Variants in BEND6 observed in about 807,000 individuals in gnomAD.
The protein encoded by BEND6 is BEN domain containing 6.
Under a neutral mutation model 31.8 loss-of-function variants are expected in BEND6, and 24 were observed. The ratio of observed to expected loss-of-function variants is 0.75; its 90% CI spans 0.55 to 1.06. BEND6 has a LOEUF of 1.06. Among genes scored for constraint, BEND6 ranks in the 50% least tolerant of loss-of-function variants. The pLI is 0.00. For missense variants in BEND6, 294 were observed against 327.4 expected (o/e 0.90, Z 0.79); for synonymous variants, 109 against 114.6 (o/e 0.95, Z 0.31).
At chr6:56,988,151 G>A (rs1826352355) in intron 2 of BEND6, among the ~76,000 whole-genome samples, 1 of 151,628 alleles carries the variant, frequency 6.6e-6, no homozygotes, top group African/African-American at 2.4e-5. Flanking sequence ...CAGGTAGCTG[G>A]GACTACAGGT....
chr6:57,008,158 T>C, intron 3 of BEND6: 1 of 702,932 alleles, frequency 1.4e-6, no homozygotes, highest in Non-Finnish European at 2.6e-6. Flanking sequence ...GGAGTGATTA[T>C]TTCTATCTTA....
chr6:57,017,327 G>T lies in BEND6; in HGVS notation c.640G>T (p.Ala214Ser), dbSNP rs866942036. The T allele has an allele frequency of 6.9e-7, 1 of 1,453,328 alleles. No individual in the cohort carries two copies. The highest frequency in any genetic ancestry group is 2.7e-5 in the East Asian group (1 of 37,384). The allele number at this position is 1,453,328 out of a possible 1,614,324, so 90.0% of individuals were successfully genotyped here. A position where few individuals can be genotyped will look rare whatever the true frequency, so the allele number is the denominator to read the frequency against. Residue 214 changes from alanine to serine, a missense_variant, in exon 5 of 7, where the codon GCA (alanine) becomes TCA (serine). Physicochemically the swap from Ala to Ser is moderately conservative, Grantham distance 99. Coordinates refer to ENST00000370746, the MANE Select transcript of BEND6 (RefSeq NM_152731.3). ...EYMATHSLTG[A>S]KSSTSRDKAV... is the part of the protein sequence containing the mutation. ...CATGGCCACTCACAGCCTGACAGGG[G>T]CAAAATCCTCTACTTCAAGGGACAA...
At chr6:57,006,267 A>G (rs1479582189) in intron 3 of BEND6, among the ~76,000 whole-genome samples, 2 of 152,242 alleles carry the variant, frequency 1.3e-5, no homozygotes, top group Non-Finnish European at 2.9e-5. Flanking sequence ...AATGTTTGCT[A>G]TCACAAGTCA....
At chr6:56,999,845 G>A (rs1429195783) in intron 3 of BEND6, among the ~76,000 whole-genome samples, 1 of 152,206 alleles carries the variant, frequency 6.6e-6, no homozygotes, top group Non-Finnish European at 1.5e-5. Context: ...TATAAAACCT[G>A]CCAACAGAAG....
chr6:56,962,158 CACAGCAAG>C (rs1338067428), intron 1 of BEND6, among the ~76,000 whole-genome samples: 2 of 152,200 alleles, frequency 1.3e-5, no homozygotes, highest in Non-Finnish European at 2.9e-5. Flanking sequence ...CATGTGATGA[CACAGCAAG>C]ACAGCAAGAC....
At chr6:56,961,781 C>A (rs1476766233) in intron 1 of BEND6, among the ~76,000 whole-genome samples, 1 of 152,194 alleles carries the variant, frequency 6.6e-6, no homozygotes, top group East Asian at 1.9e-4. Context: ...CTTCCCCAAG[C>A]CCACATTCAA....
chr6:57,014,588 T>C, intron 3 of BEND6: 1 of 1,221,484 alleles, frequency 8.2e-7, no homozygotes, highest in Non-Finnish European at 1.1e-6. Flanking sequence ...AATTCATCTT[T>C]AATATATCAC....
intron 5 of BEND6, among the ~76,000 whole-genome samples, 160 bp downstream of exon 5, chr6:57,017,559 T>G (rs185222941): frequency 1.2e-4 from 19 of 152,306 alleles, no homozygotes; most frequent in Admixed American, 7.8e-4. Context: ...ATGGGAAATT[T>G]TATAGAAAAA....
intron 2 of BEND6, among the ~76,000 whole-genome samples, chr6:56,991,974 A>G (rs1273718954): frequency 6.6e-6 from 1 of 152,150 alleles, no homozygotes; most frequent in Non-Finnish European, 1.5e-5. Flanking sequence ...CTATTTATTA[A>G]ATCATTTGTC....
intron 1 of BEND6, among the ~76,000 whole-genome samples, chr6:56,959,629 C>G (rs1374650144): frequency 6.6e-6 from 1 of 152,100 alleles, no homozygotes; most frequent in Non-Finnish European, 1.5e-5. Context: ...TTTCCAGCCA[C>G]CAGAACCAGG....
chr6:56,959,992 G>T (rs780381885), intron 1 of BEND6, among the ~76,000 whole-genome samples: 1 of 152,172 alleles, frequency 6.6e-6, no homozygotes, highest in Non-Finnish European at 1.5e-5. Context: ...AGTCAGCTGA[G>T]TTTGGGAGCT....
intron 3 of BEND6, among the ~76,000 whole-genome samples, chr6:57,000,208 A>G (rs1239414977): frequency 6.6e-6 from 1 of 152,214 alleles, no homozygotes; most frequent in Non-Finnish European, 1.5e-5. Context: ...GTGTAGAAAG[A>G]AGTAGACATA....
chr6:56,992,948 G>C (rs1176205168), intron 3 of BEND6, among the ~76,000 whole-genome samples: 4 of 152,152 alleles, frequency 2.6e-5, no homozygotes, highest in African/African-American at 9.7e-5. Context: ...GAAATCTCTA[G>C]AAAATGGAGC....
chr6:57,000,000 AG>A (rs1826868257), intron 3 of BEND6, among the ~76,000 whole-genome samples: 1 of 151,366 alleles, frequency 6.6e-6, no homozygotes, highest in Non-Finnish European at 1.5e-5. Flanking sequence ...CTGGGATGTG[AG>A]GAGCGCCTCT....
chr6:56,965,966 A>G (rs1347972919), intron 1 of BEND6, among the ~76,000 whole-genome samples: 1 of 152,224 alleles, frequency 6.6e-6, no homozygotes, highest in Non-Finnish European at 1.5e-5. Flanking sequence ...CAAGATGAAT[A>G]GAAAGTTCCA....
intron 4 of BEND6, among the ~76,000 whole-genome samples, chr6:57,016,086 G>A (rs1018814696): frequency 2.6e-5 from 4 of 152,084 alleles, no homozygotes; most frequent in African/African-American, 9.7e-5. Flanking sequence ...TATGCATTCA[G>A]GGTTATACAA....
At chr6:56,988,572 T>C (rs1826374190) in intron 2 of BEND6, among the ~76,000 whole-genome samples, 1 of 152,202 alleles carries the variant, frequency 6.6e-6, no homozygotes, top group South Asian at 2.1e-4. Context: ...TTTTATTTTT[T>C]ACTTAAAAAA....
At chr6:56,962,203 T>A (rs933924283) in intron 1 of BEND6, among the ~76,000 whole-genome samples, 1 of 152,184 alleles carries the variant, frequency 6.6e-6, no homozygotes, top group Non-Finnish European at 1.5e-5. Context: ...CACCTTGATA[T>A]TACTGCAAGC....
intron 1 of BEND6, among the ~76,000 whole-genome samples, chr6:56,959,862 G>A (rs1410055082): frequency 6.6e-6 from 1 of 152,088 alleles, no homozygotes; most frequent in Non-Finnish European, 1.5e-5. Context: ...TTTAGCTATT[G>A]TAGAGCCTAA....
Sources: gnomAD v4.1 joint callset for allele counts (sites outside exome capture counted in the v4.1 genomes callset) on GRCh38, gnomAD v4.1.1 for gene constraint, MANE v1.5 for transcripts, NCBI Gene and HGNC (gene_info 2026-07-23, HGNC 2026-07-21) for gene names.